SLC35F4: variants seen among roughly 807,000 people sequenced by gnomAD.
SLC35F4 encodes solute carrier family 35 member F4.
Under a neutral mutation model 44.2 loss-of-function variants are expected in SLC35F4, and 24 were observed. The observed-to-expected ratio is 0.54, with a 90% CI of 0.39 to 0.76. The LOEUF (loss-of-function observed/expected upper bound fraction) is 0.76, where lower values mean the gene tolerates loss of function less well. Among genes scored for constraint, SLC35F4 ranks in the 30% least tolerant of loss-of-function variants. The pLI is 0.00. For synonymous variants in SLC35F4, 238 were observed against 223.6 expected, an observed-to-expected ratio of 1.06 and a Z score of -0.57; for missense variants, 562 against 586.1, an observed-to-expected ratio of 0.96 and a Z score of 0.42.
At chr14:57,772,901 T>C (rs894185109) in intron 1 of SLC35F4, among the ~76,000 whole-genome samples, 1 of 152,222 alleles carries the variant, frequency 6.6e-6, no homozygotes, top group Non-Finnish European at 1.5e-5. Context: ...CAAATGGTAG[T>C]TCTATTTTTA....
chr14:57,955,526 T>C (rs8016165), intron 1 of SLC35F4, among the ~76,000 whole-genome samples: 12,211 of 152,236 alleles, frequency 0.08, 564 homozygotes, highest in African/African-American at 0.11. Flanking sequence ...TACATGATTG[T>C]ATATTTAGAA....
intron 1 of SLC35F4, among the ~76,000 whole-genome samples, chr14:57,597,144 G>A (rs1465762696): frequency 6.6e-6 from 1 of 152,104 alleles, no homozygotes; most frequent in African/African-American, 2.4e-5. Flanking sequence ...TTTCTGTTTT[G>A]TATGCAACAA....
chr14:57,747,246 C>T (rs1001071317), intron 1 of SLC35F4, among the ~76,000 whole-genome samples: 3 of 152,138 alleles, frequency 2.0e-5, no homozygotes, highest in East Asian at 1.9e-4. Context: ...TTAGAGGGCA[C>T]GTGCTTACTG....
intron 1 of SLC35F4, among the ~76,000 whole-genome samples, chr14:57,690,206 A>G (rs1223025969): frequency 6.6e-6 from 1 of 152,208 alleles, no homozygotes; most frequent in Non-Finnish European, 1.5e-5. Context: ...TCCCCATTAT[A>G]AGCTGTTTAT....
Position 57,566,507 on chromosome 14 carries a change from A to G in SLC35F4, c.1184T>C (p.Ile395Thr), listed in dbSNP as rs1273297396. Reference sequence around the variant, plus strand: ...TCCAGGAACGCTGAGCACTGTCCCAATGGAGATTAGGATTGGGTATGTCAG... The same window carrying G: ...TCCAGGAACGCTGAGCACTGTCCCAGTGGAGATTAGGATTGGGTATGTCAG... ...VVLTYPILIS[I>T]GTVLSVPGNA... is the part of the protein sequence containing the mutation. The change falls in exon 7 of 8, where the codon ATT becomes ACT. Residue 395 changes from isoleucine to threonine, a missense_variant. Transcript: ENST00000556826. 16 of 1,600,834 alleles carry G rather than the reference A, an allele frequency of 1.0e-5. No homozygotes were observed. The highest frequency in any genetic ancestry group is 2.7e-5 in the African/African-American group (2 of 74,722).
At chr14:57,717,471 C>CTAAATTTTTTG (rs1158268485) in intron 1 of SLC35F4, among the ~76,000 whole-genome samples, 11 of 152,180 alleles carry the variant, frequency 7.2e-5, no homozygotes, top group Non-Finnish European at 1.5e-4. Context: ...CCTGTCTCTA[C>CTAAATTTTTTG]TAAAAATACA....
At chr14:57,739,231 A>G (rs1375120650) in intron 1 of SLC35F4, among the ~76,000 whole-genome samples, 3 of 152,220 alleles carry the variant, frequency 2.0e-5, no homozygotes, top group East Asian at 3.9e-4. Context: ...GTGTCATAAA[A>G]TCTCCATGAA....
intron 1 of SLC35F4, among the ~76,000 whole-genome samples, chr14:57,876,255 A>G (rs1374577299): frequency 6.6e-6 from 1 of 152,210 alleles, no homozygotes; most frequent in Non-Finnish European, 1.5e-5. Context: ...GGAAACCTGT[A>G]AAGTTACGGC....
At chr14:57,700,761 C>T (rs2075517058) in intron 1 of SLC35F4, among the ~76,000 whole-genome samples, 1 of 151,850 alleles carries the variant, frequency 6.6e-6, no homozygotes, top group African/African-American at 2.4e-5. Flanking sequence ...AAAATCTGAC[C>T]AGGCATAGTG....
intron 1 of SLC35F4, among the ~76,000 whole-genome samples, chr14:57,634,665 G>T (rs2072940394): frequency 6.6e-6 from 1 of 152,104 alleles, no homozygotes; most frequent in Non-Finnish European, 1.5e-5. Flanking sequence ...ATGAGATTTG[G>T]ATTTTTTTTC....
intron 1 of SLC35F4, among the ~76,000 whole-genome samples, chr14:57,681,988 G>A (rs540510002): frequency 1.3e-5 from 2 of 152,292 alleles, no homozygotes; most frequent in East Asian, 3.9e-4. Context: ...TAAAAAGTTA[G>A]GAAACAACAG....
chr14:57,894,751 C>G (rs184442967), intron 1 of SLC35F4, among the ~76,000 whole-genome samples: 1 of 151,784 alleles, frequency 6.6e-6, no homozygotes, highest in Non-Finnish European at 1.5e-5. Flanking sequence ...TAAAACCAAT[C>G]AATAGTTTCA....
At chr14:57,832,162 C>A (rs1430912354) in intron 1 of SLC35F4, among the ~76,000 whole-genome samples, 6 of 152,168 alleles carry the variant, frequency 3.9e-5, no homozygotes, top group Non-Finnish European at 1.5e-5. Flanking sequence ...GCACATACAG[C>A]CTTCCTGAGC....
intron 1 of SLC35F4, among the ~76,000 whole-genome samples, chr14:57,712,545 C>G (rs1368517101): frequency 1.3e-5 from 2 of 152,146 alleles, no homozygotes; most frequent in African/African-American, 4.8e-5. Flanking sequence ...GTAATATTTT[C>G]TATGTGAAGT....
At chr14:57,930,883 AAAAAGG>A (rs1278143275) in intron 1 of SLC35F4, among the ~76,000 whole-genome samples, 3 of 152,222 alleles carry the variant, frequency 2.0e-5, no homozygotes, top group African/African-American at 7.2e-5. Context: ...CAAGACTTTG[AAAAAGG>A]AAGAGTAATA....
At chr14:57,952,101 T>C (rs1360863307) in intron 1 of SLC35F4, among the ~76,000 whole-genome samples, 1 of 152,180 alleles carries the variant, frequency 6.6e-6, no homozygotes, top group East Asian at 1.9e-4. Flanking sequence ...CAGGCAGCAA[T>C]CTTTGCTGTT....
intron 1 of SLC35F4, among the ~76,000 whole-genome samples, chr14:57,670,820 C>A (rs967901737): frequency 1.3e-5 from 2 of 151,500 alleles, no homozygotes; most frequent in Non-Finnish European, 2.9e-5. Flanking sequence ...TTAATTCATA[C>A]TGAATGTTTT....
intron 6 of SLC35F4, among the ~76,000 whole-genome samples, chr14:57,568,675 G>A (rs2068328368): frequency 1.3e-5 from 2 of 152,132 alleles, no homozygotes; most frequent in Non-Finnish European, 2.9e-5. Context: ...CAATACTCTT[G>A]CAGGGATGAA....
At chr14:57,760,298 C>T (rs1460146217) in intron 1 of SLC35F4, among the ~76,000 whole-genome samples, 3 of 152,088 alleles carry the variant, frequency 2.0e-5, no homozygotes, top group African/African-American at 7.2e-5. Context: ...ATTTTTTCCC[C>T]ATGTGTAACA....
Sources: allele counts gnomAD v4.1 joint callset (sites outside exome capture counted in the v4.1 genomes callset), GRCh38; gene constraint gnomAD v4.1.1; transcripts MANE v1.5; gene names NCBI Gene and HGNC (gene_info 2026-07-23, HGNC 2026-07-21).